ACSL3: variants seen among roughly 807,000 people sequenced by gnomAD.
The protein encoded by ACSL3 is fatty acid CoA ligase Acsl3.
ACSL3 carries 34 observed loss-of-function variants against 84.7 expected under a neutral mutation model. That is an observed-to-expected ratio of 0.40 (90% CI 0.31 to 0.53). ACSL3 has a LOEUF of 0.53. Among genes scored for constraint, ACSL3 ranks in the 20% least tolerant of loss-of-function variants. The pLI, the probability that ACSL3 is intolerant of heterozygous loss-of-function variation, is 0.48. For synonymous variants in ACSL3, 315 were observed against 299.4 expected (o/e 1.05, Z -0.54); for missense variants, 680 against 873.1 (o/e 0.78, Z 2.79).
intron 2 of ACSL3, among the ~76,000 whole-genome samples, chr2:222,892,939 A>G (rs958285768): frequency 1.3e-5 from 2 of 152,274 alleles, no homozygotes; most frequent in Admixed American, 6.5e-5. Context: ...CACATTTCAT[A>G]CTAGCAAATA....
chr2:222,883,300 T>C (rs1419658682), intron 1 of ACSL3, among the ~76,000 whole-genome samples: 1 of 151,844 alleles, frequency 6.6e-6, no homozygotes, highest in African/African-American at 2.4e-5. Context: ...ACTGTGTCAG[T>C]CAGCCTCTCT....
Position 222,933,288 on chromosome 2 carries a change from C to G in ACSL3, c.1847+8C>G. On this transcript the variant is annotated splice_region_variant and intron_variant, in intron 15 of 16. Coordinates refer to ENST00000357430, the MANE Select transcript of ACSL3 (RefSeq NM_004457.5). Reference sequence around the variant, plus strand: ...TTGTGCATATGCAAACAGGTAAGAACGTGGAATTCATACTACTTTTACTTA... The same window carrying G: ...TTGTGCATATGCAAACAGGTAAGAAGGTGGAATTCATACTACTTTTACTTA... 1 of 1,576,274 alleles carries G rather than the reference C, an allele frequency of 6.3e-7. No homozygotes were observed. The highest frequency in any genetic ancestry group is 8.7e-7 in the Non-Finnish European group (1 of 1,149,576).
intron 15 of ACSL3, 83 bp from the exon 16 acceptor site, chr2:222,934,447 T>C: frequency 5.1e-6 from 6 of 1,172,458 alleles, no homozygotes; most frequent in Non-Finnish European, 5.6e-6. Context: ...GAGGAGTTAT[T>C]TACTACTTGT....
Position 222,869,325 on chromosome 2 carries a change from T to C in ACSL3, c.-207+8067T>C, listed in dbSNP as rs138393010. On this transcript the variant is annotated intron_variant, in intron 1 of 16. Coordinates refer to ENST00000357430, the MANE Select transcript of ACSL3 (RefSeq NM_004457.5). ...TACCTCACAAGGTTATCATGACTTA[T>C]GTTAGTTGCTTCCTTCATCTCTCTG... is the stretch of plus-strand genomic sequence containing the variant. Among the ~76,000 whole-genome samples, 12 of 152,332 alleles carry C rather than the reference T, an allele frequency of 7.9e-5. No homozygotes were observed. In the East Asian group the frequency reaches 1.7e-3, roughly 22 times the overall value.
chr2:222,943,388 T>A lies in ACSL3; in HGVS notation c.*1734T>A. 5.5e-6 allele frequency: 1 copy of A among 182,920 alleles called. No homozygotes were observed. The highest frequency in any genetic ancestry group is 2.0e-4 in the South Asian group (1 of 5,066). The allele number at this position is 182,920 out of a possible 1,614,324, so 11.3% of individuals were successfully genotyped here. ...GATGCTGTGATCTAAAAATTAAATCTCAGTGGGCGGAGAGAATTTGTTTCT... is the reference window on the plus strand; with the variant it reads ...GATGCTGTGATCTAAAAATTAAATCACAGTGGGCGGAGAGAATTTGTTTCT... On this transcript the variant is annotated 3_prime_UTR_variant, in exon 17 of 17. Coordinates refer to ENST00000357430, the MANE Select transcript of ACSL3 (RefSeq NM_004457.5).
chr2:222,929,736 C>T (rs989367398), intron 13 of ACSL3, among the ~76,000 whole-genome samples: 3 of 151,650 alleles, frequency 2.0e-5, no homozygotes, highest in Admixed American at 1.3e-4. Context: ...CAAGATTGCG[C>T]CACTGCACTC....
intron 4 of ACSL3, 28 bp from the exon 5 acceptor site, chr2:222,916,291 T>G: frequency 7.2e-7 from 1 of 1,395,612 alleles, no homozygotes; most frequent in Admixed American, 2.4e-5. Flanking sequence ...TTTGATTACA[T>G]TAAAAAAATT....
At chr2:222,866,564 T>G (rs1004407686) in intron 1 of ACSL3, among the ~76,000 whole-genome samples, 5 of 152,212 alleles carry the variant, frequency 3.3e-5, no homozygotes, top group African/African-American at 1.2e-4. Context: ...CCAGGCACTT[T>G]GGTTCCAGAG....
At position 222,924,616 on chromosome 2, in the gene ACSL3, T is replaced by C. The variant is rs200581058; in HGVS notation, c.1292+21T>C. ...GACAGGTAAGTAAAGACTCTCTACC[T>C]CCTTCTTTCTCCTCTTGATAATTTA... On this transcript the variant is annotated intron_variant, in intron 11 of 16. Coordinates refer to ENST00000357430, the MANE Select transcript of ACSL3 (RefSeq NM_004457.5). 1.1e-4 allele frequency: 170 copies of C among 1,564,052 alleles called. No individual in the cohort carries two copies. In the African/African-American group the frequency reaches 2.2e-3, roughly 20 times the overall value.
chr2:222,861,849 C>T (rs1695022190), intron 1 of ACSL3: 1 of 152,224 alleles, frequency 6.6e-6, no homozygotes, highest in African/African-American at 2.4e-5. Flanking sequence ...CTTTGCTTTT[C>T]CCCAAGTGCG....
chr2:222,923,543 T>TGA (rs1696794720), intron 10 of ACSL3, among the ~76,000 whole-genome samples: 2 of 152,210 alleles, frequency 1.3e-5, no homozygotes, highest in Non-Finnish European at 2.9e-5. Flanking sequence ...AGGGAAAGTC[T>TGA]GGCCTAAACA....
chr2:222,930,567 A>G (rs970588943), intron 13 of ACSL3, 54 bp from the exon 14 acceptor site: 6 of 1,403,342 alleles, frequency 4.3e-6, no homozygotes, highest in African/African-American at 2.9e-5. Context: ...AGTAGTTTCA[A>G]ATTTTCATGT....
chr2:222,936,551 T>A (rs1697173637), intron 16 of ACSL3, among the ~76,000 whole-genome samples: 2 of 152,172 alleles, frequency 1.3e-5, no homozygotes, highest in South Asian at 4.1e-4. Flanking sequence ...ACATATCTTC[T>A]GCAGAAAATT....
chr2:222,934,427 TAA>T, intron 15 of ACSL3, 101 bp from the exon 16 acceptor site: 1 of 960,130 alleles, frequency 1.0e-6, no homozygotes. Flanking sequence ...ACATGCATTT[TAA>T]AAAAAATGAG....
intron 5 of ACSL3, 161 bp downstream of exon 5, chr2:222,916,657 A>C: frequency 1.4e-6 from 1 of 726,982 alleles, no homozygotes. Flanking sequence ...TTTGGAAAAT[A>C]AATCAATTAT....
intron 1 of ACSL3, among the ~76,000 whole-genome samples, chr2:222,871,185 T>C (rs1192294669): frequency 6.6e-6 from 1 of 152,126 alleles, no homozygotes; most frequent in Non-Finnish European, 1.5e-5. Context: ...ACCAAATGCT[T>C]TTTAAGTTTT....
chr2:222,944,388 C>T lies in ACSL3; in HGVS notation c.*2734C>T, dbSNP rs1036431376. ...TTTTTCCCATAAGAATTATGTACAT[C>T]TGTGATGTTTTACAGGGGGATCCGC... On this transcript the variant is annotated 3_prime_UTR_variant, in exon 17 of 17. Transcript: ENST00000357430. 22 of 152,134 alleles carry T rather than the reference C, an allele frequency of 1.4e-4. No individual in the cohort carries two copies. The highest frequency in any genetic ancestry group is 5.1e-4 in the African/African-American group (21 of 41,522). The allele number at this position is 152,134 out of a possible 1,614,324, so 9.4% of individuals were successfully genotyped here. A position where few individuals can be genotyped will look rare whatever the true frequency, so the allele number is the denominator to read the frequency against.
chr2:222,892,949 A>G (rs1449553283), intron 2 of ACSL3, among the ~76,000 whole-genome samples: 1 of 152,224 alleles, frequency 6.6e-6, no homozygotes, highest in Non-Finnish European at 1.5e-5. Flanking sequence ...ACTAGCAAAT[A>G]CGGATTCCTT....
chr2:222,907,069 T>C (rs1368569895), intron 3 of ACSL3, among the ~76,000 whole-genome samples: 2 of 152,186 alleles, frequency 1.3e-5, no homozygotes, highest in African/African-American at 4.8e-5. Context: ...GAGCTGGGGC[T>C]GGGGACAGCA....
Sources: allele counts gnomAD v4.1 joint callset (sites outside exome capture counted in the v4.1 genomes callset), GRCh38; gene constraint gnomAD v4.1.1; transcripts MANE v1.5; gene names NCBI Gene and HGNC (gene_info 2026-07-23, HGNC 2026-07-21).